Variants in DNAAF9 observed in about 807,000 individuals in gnomAD.
DNAAF9 encodes the protein shulin.
Under a neutral mutation model 167.0 loss-of-function variants are expected in DNAAF9, and 90 were observed. The observed-to-expected ratio is 0.54, with a 90% CI of 0.45 to 0.64. The LOEUF is 0.64. Ranked by LOEUF, DNAAF9 falls within the 30% of genes least tolerant of loss-of-function variation. The pLI is 0.00. For missense variants in DNAAF9, 1,315 were observed against 1,442.2 expected, an observed-to-expected ratio of 0.91 and a Z score of 1.43; for synonymous variants, 491 against 508.8, an observed-to-expected ratio of 0.96 and a Z score of 0.47.
rs1288333977 is a variant in DNAAF9, at chr20:3,304,518, G to A, written c.1704C>T (p.Gly568=). ...EEGNVHFFSS[G]LLFSHCRHRS... ...TATGACGACAGTGAGAAAACAGAAG[G>A]CCACTAGAGAAGAAATGAACATTCC... The change falls in exon 21 of 37, where the codon GGC becomes GGT. Residue 568 remains glycine, a synonymous_variant. Coordinates refer to ENST00000252032, the MANE Select transcript of DNAAF9 (RefSeq NM_001009984.3). 2 of 1,504,780 alleles carry A rather than the reference G, an allele frequency of 1.3e-6. No homozygotes were observed. The highest frequency in any genetic ancestry group is 4.5e-5 in the East Asian group (2 of 44,254). The allele number at this position is 1,504,780 out of a possible 1,614,324, so 93.2% of individuals were successfully genotyped here.
intron 7 of DNAAF9, among the ~76,000 whole-genome samples, chr20:3,358,038 T>C (rs142125617): frequency 3.4e-4 from 51 of 152,018 alleles, no homozygotes; most frequent in Admixed American, 1.8e-3. Flanking sequence ...AATAAATAAA[T>C]AAAATAAAAT....
intron 8 of DNAAF9, among the ~76,000 whole-genome samples, chr20:3,344,628 CA>C (rs1568617719): frequency 2.4e-5 from 3 of 126,022 alleles, no homozygotes; most frequent in Non-Finnish European, 5.2e-5. Flanking sequence ...CACACACACA[CA>C]CACACACACA....
chr20:3,390,417 G>T (rs2083811166), intron 1 of DNAAF9, among the ~76,000 whole-genome samples: 2 of 149,916 alleles, frequency 1.3e-5, no homozygotes, highest in Admixed American at 6.7e-5. Flanking sequence ...CCAGGCTGGA[G>T]TGCGGTGGCA....
At chr20:3,294,842 G>A (rs1180991154) in intron 23 of DNAAF9, among the ~76,000 whole-genome samples, 1 of 151,994 alleles carries the variant, frequency 6.6e-6, no homozygotes, top group African/African-American at 2.4e-5. Context: ...ATAATACCAT[G>A]AGTTTCTGAT....
intron 3 of DNAAF9, 43 bp from the exon 4 acceptor site, chr20:3,376,345 T>C (rs745989810): frequency 7.9e-6 from 12 of 1,510,912 alleles, no homozygotes; most frequent in Middle Eastern, 3.6e-4. Context: ...GTCAAACACA[T>C]TTCTTTTAGA....
intron 6 of DNAAF9, among the ~76,000 whole-genome samples, chr20:3,367,066 T>C (rs2083441379): frequency 1.3e-5 from 2 of 152,384 alleles, no homozygotes; most frequent in African/African-American, 4.8e-5. Flanking sequence ...CTGAGGCAGA[T>C]CTTCTGAATA....
At chr20:3,330,447 G>A (rs980639284) in intron 12 of DNAAF9, among the ~76,000 whole-genome samples, 199 bp downstream of exon 12, 2 of 151,898 alleles carry the variant, frequency 1.3e-5, no homozygotes, top group African/African-American at 4.8e-5. Flanking sequence ...TGCTTATGTT[G>A]CCCAGGCTGG....
chr20:3,318,467 T>C (rs2069550344), intron 16 of DNAAF9, 67 bp from the exon 17 acceptor site: 1 of 786,338 alleles, frequency 1.3e-6, no homozygotes, highest in African/African-American at 1.7e-5. Flanking sequence ...TCCATAAGAA[T>C]GAGACCACAA....
chr20:3,278,721 A>G (rs961020475), intron 29 of DNAAF9, among the ~76,000 whole-genome samples, 191 bp downstream of exon 29: 2 of 152,188 alleles, frequency 1.3e-5, no homozygotes, highest in Admixed American at 1.3e-4. Flanking sequence ...TCCGTCTCAA[A>G]AAAAAGAGAC....
intron 20 of DNAAF9, among the ~76,000 whole-genome samples, chr20:3,309,950 T>C (rs1023323994): frequency 1.3e-5 from 2 of 152,102 alleles, no homozygotes; most frequent in Non-Finnish European, 2.9e-5. Context: ...CCCAGAACTT[T>C]GGGAGGCTGT....
intron 25 of DNAAF9, among the ~76,000 whole-genome samples, chr20:3,291,211 G>A (rs1298326708): frequency 6.6e-6 from 1 of 152,160 alleles, no homozygotes; most frequent in Non-Finnish European, 1.5e-5. Context: ...CCCCTTTCAG[G>A]TAGATATTCC....
At position 3,293,292 on chromosome 20, in the gene DNAAF9, CAAAAAAAAAAAA is replaced by C. The variant is rs1172725572; in HGVS notation, c.2238+835_2238+846del. 4.8e-4 allele frequency among the ~76,000 whole-genome samples: 11 copies of C among 22,862 alleles called. 1 individual carries two copies. The highest frequency in any genetic ancestry group is 8.7e-4 in the African/African-American group (5 of 5,750). The allele number at this position is 22,862 out of a possible 152,430, so 15.0% of individuals were successfully genotyped here. On this transcript the variant is annotated intron_variant, in intron 25 of 36. Coordinates refer to ENST00000252032, the MANE Select transcript of DNAAF9 (RefSeq NM_001009984.3). ...TGGGCAACAGAGGGAGACTCCGTCT[CAAAAAAAAAAAA>C]AAAAAAAAAAAAAAAGAGACTTATG...
chr20:3,268,442 C>T (rs901758437), intron 30 of DNAAF9, among the ~76,000 whole-genome samples: 4 of 152,042 alleles, frequency 2.6e-5, no homozygotes, highest in Non-Finnish European at 5.9e-5. Context: ...GATTCTCTTG[C>T]CTCAGTCTCC....
At chr20:3,306,991 T>C (rs2069310420) in intron 20 of DNAAF9, 6 of 985,392 alleles carry the variant, frequency 6.1e-6, no homozygotes, top group Non-Finnish European at 7.2e-6. Flanking sequence ...CCCTCTACAT[T>C]TGTACTTTTG....
chr20:3,391,525 C>T (rs761091539), intron 1 of DNAAF9, among the ~76,000 whole-genome samples: 1 of 151,880 alleles, frequency 6.6e-6, no homozygotes, highest in Non-Finnish European at 1.5e-5. Context: ...ATCCTCACCC[C>T]CCAGAGGTCA....
intron 6 of DNAAF9, among the ~76,000 whole-genome samples, chr20:3,364,744 C>A (rs981890885): frequency 1.3e-5 from 2 of 152,010 alleles, no homozygotes; most frequent in Non-Finnish European, 2.9e-5. Context: ...CTAAAAAATG[C>A]GAACAATCAA....
chr20:3,266,855 C>CTTT (rs556863917), intron 30 of DNAAF9, among the ~76,000 whole-genome samples: 1 of 136,188 alleles, frequency 7.3e-6, no homozygotes, highest in Non-Finnish European at 1.6e-5. Flanking sequence ...CCCCTTCCAC[C>CTTT]TTTTTTTTTT....
chr20:3,393,022 G>A (rs184268689), intron 1 of DNAAF9, among the ~76,000 whole-genome samples: 4 of 152,106 alleles, frequency 2.6e-5, no homozygotes, highest in Admixed American at 2.0e-4. Flanking sequence ...AATAAAATAT[G>A]TCACTGCTCT....
chr20:3,336,636 GC>G (rs757838071), intron 10 of DNAAF9, among the ~76,000 whole-genome samples: 4 of 151,972 alleles, frequency 2.6e-5, no homozygotes, highest in Non-Finnish European at 5.9e-5. Context: ...TGCAGCCTCT[GC>G]CACCCAGGTT....
Sources: gnomAD v4.1 joint callset for allele counts (sites outside exome capture counted in the v4.1 genomes callset) on GRCh38, gnomAD v4.1.1 for gene constraint, MANE v1.5 for transcripts, NCBI Gene and HGNC (gene_info 2026-07-23, HGNC 2026-07-21) for gene names.